Variants in DOCK5 observed in about 807,000 individuals in gnomAD.
DOCK5 encodes the protein dedicator of cytokinesis 5.
In DOCK5, 142 loss-of-function variants were observed where a neutral mutation model predicts 251.8. The ratio of observed to expected loss-of-function variants is 0.56; its 90% CI spans 0.49 to 0.65. DOCK5 has a LOEUF of 0.65. Ranked by LOEUF, DOCK5 falls within the 30% of genes least tolerant of loss-of-function variation. The pLI is 0.00. For synonymous variants in DOCK5, 842 were observed against 835.5 expected (o/e 1.01, Z -0.13); for missense variants, 2,111 against 2,312.3 (o/e 0.91, Z 1.79).
intron 1 of DOCK5, among the ~76,000 whole-genome samples, chr8:25,230,371 C>T (rs767733292): frequency 3.9e-5 from 6 of 152,128 alleles, no homozygotes; most frequent in East Asian, 3.9e-4. Flanking sequence ...AAGCCTCTCA[C>T]GTAATTCCGA....
intron 26 of DOCK5, among the ~76,000 whole-genome samples, chr8:25,349,580 A>G (rs913143168): frequency 6.6e-6 from 1 of 152,176 alleles, no homozygotes; most frequent in Non-Finnish European, 1.5e-5. Context: ...AATATTACTC[A>G]CTCATAAAAA....
At chr8:25,363,486 G>T (rs1800724545) in intron 29 of DOCK5, among the ~76,000 whole-genome samples, 1 of 152,182 alleles carries the variant, frequency 6.6e-6, no homozygotes, top group African/African-American at 2.4e-5. Flanking sequence ...TCTATGACCG[G>T]TCCATGATGT....
chr8:25,408,977 GGGAAT>G, intron 50 of DOCK5, 37 bp downstream of exon 50: 1 of 1,613,494 alleles, frequency 6.2e-7, no homozygotes, highest in Non-Finnish European at 8.5e-7. Flanking sequence ...CTTTTTACTA[GGGAAT>G]GGAGTATGTT....
At chr8:25,259,542 A>G (rs1803514329) in intron 2 of DOCK5, among the ~76,000 whole-genome samples, 1 of 152,148 alleles carries the variant, frequency 6.6e-6, no homozygotes, top group Non-Finnish European at 1.5e-5. Flanking sequence ...TGCAGGCTCA[A>G]CTTCCTGAGC....
rs566439600 is a variant in DOCK5 at position 25,241,599 on chromosome 8, C to T, written c.44-2075C>T. On this transcript the variant is annotated intron_variant, in intron 1 of 51. Coordinates refer to ENST00000276440, the MANE Select transcript of DOCK5 (RefSeq NM_024940.8). ...CATTGTGGAAAACAGTGTGGTGATTCCTCAAGGATCTAGAACCACAAATAC... is the reference window on the plus strand; with the variant it reads ...CATTGTGGAAAACAGTGTGGTGATTTCTCAAGGATCTAGAACCACAAATAC... Among the ~76,000 whole-genome samples, 4 of 152,208 alleles carry T rather than the reference C, an allele frequency of 2.6e-5. No homozygotes were observed. In the South Asian group the frequency reaches 8.3e-4, roughly 32 times the overall value.
At chr8:25,237,852 T>C (rs1443856036) in intron 1 of DOCK5, among the ~76,000 whole-genome samples, 9 of 152,198 alleles carry the variant, frequency 5.9e-5, no homozygotes, top group Admixed American at 5.9e-4. Flanking sequence ...GAGGGCTCTT[T>C]AAAGGCAATC....
At position 25,367,014 on chromosome 8, in the gene DOCK5, A is replaced by G. The variant is rs17053485; in HGVS notation, c.3224+44A>G. Reference sequence around the variant, plus strand: ...TTAAGATCGGGAAGGGGCTTCTTCCATTTGTTTACATTGAGAGCAATATTT... The same window carrying G: ...TTAAGATCGGGAAGGGGCTTCTTCCGTTTGTTTACATTGAGAGCAATATTT... On this transcript the variant is annotated intron_variant, in intron 31 of 51. Transcript: ENST00000276440. 7.2e-3 allele frequency: 10,851 copies of G among 1,501,928 alleles called. 528 individuals carry two copies. In the African/African-American group the frequency reaches 0.12, roughly 17 times the overall value. 93.0% of individuals were successfully genotyped at this position (1,501,928 alleles called of 1,614,324 possible).
At chr8:25,324,727 T>C in intron 17 of DOCK5, among the ~76,000 whole-genome samples, 1 of 152,174 alleles carries the variant, frequency 6.6e-6, no homozygotes, top group Non-Finnish European at 1.5e-5. Flanking sequence ...ATGTGCCATG[T>C]TGGTGTGCTG....
chr8:25,293,200 C>A (rs1804538383), intron 6 of DOCK5, among the ~76,000 whole-genome samples: 1 of 152,112 alleles, frequency 6.6e-6, no homozygotes, highest in African/African-American at 2.4e-5. Flanking sequence ...TTCTAAATTT[C>A]TTCAACTTGT....
rs765779557 is a variant in DOCK5 at position 25,377,404 on chromosome 8, T to C, written c.3916T>C (p.Ser1306Pro). 4 of 1,613,714 alleles carry C rather than the reference T, an allele frequency of 2.5e-6. No individual in the cohort carries two copies. Among genetic ancestry groups the C allele is most frequent in the Non-Finnish European group, 3.4e-6 (4 of 1,179,710 alleles). Residue 1306 changes from serine to proline, a missense_variant, in exon 38 of 52, where the codon TCA becomes CCA. Ser to Pro is a moderately conservative substitution (Grantham distance 74, BLOSUM62 -1). Coordinates refer to ENST00000276440, the MANE Select transcript of DOCK5 (RefSeq NM_024940.8). ...AGAGAAGCTGTATCAAGAAATCATA[T>C]CATATTTCGACAAAGGCAAAGTGAG... is the stretch of plus-strand genomic sequence containing the variant. ...LKEKLYQEII[S>P]YFDKGKMWEK...
At position 25,410,939 on chromosome 8, in the gene DOCK5, ATGTGTGTG is replaced by A. The variant is rs763758410; in HGVS notation, c.5509-228_5509-221del. ...TATGGCAGCGAGAGAGAGAGAGAAA[ATGTGTGTG>A]TGTGTGTGTGTGTGTGTGTGTGTGT... On this transcript the variant is annotated intron_variant, in intron 51 of 51. Transcript: ENST00000276440. Among the ~76,000 whole-genome samples the A allele has an allele frequency of 4.9e-3, 498 of 102,146 alleles. 4 individuals carry two copies. The highest frequency in any genetic ancestry group is 8.3e-3 in the African/African-American group (252 of 30,478). The allele number at this position is 102,146 out of a possible 152,430, so 67.0% of individuals were successfully genotyped here.
chr8:25,356,573 G>A (rs1012369587), intron 27 of DOCK5, among the ~76,000 whole-genome samples: 6 of 152,038 alleles, frequency 3.9e-5, no homozygotes, highest in African/African-American at 1.4e-4. Context: ...AGGCTAAGAT[G>A]TGAGGATCGC....
At chr8:25,187,195 G>C (rs1250931034) in intron 1 of DOCK5, among the ~76,000 whole-genome samples, 1 of 143,870 alleles carries the variant, frequency 7.0e-6, no homozygotes, top group Non-Finnish European at 1.5e-5. Context: ...TGTGAGACCC[G>C]ATCTCAAAAA....
At chr8:25,322,337 G>C (rs1805445925) in intron 16 of DOCK5, among the ~76,000 whole-genome samples, 1 of 152,198 alleles carries the variant, frequency 6.6e-6, no homozygotes, top group Non-Finnish European at 1.5e-5. Context: ...CCCAGTCTGG[G>C]GGATTTATGC....
chr8:25,369,732 G>C, intron 34 of DOCK5, 91 bp downstream of exon 34: 2 of 1,160,040 alleles, frequency 1.7e-6, no homozygotes, highest in Non-Finnish European at 2.5e-6. Context: ...GAGCAATTGA[G>C]TAGTCTCAGA....
At chr8:25,362,778 T>C (rs1174601435) in intron 28 of DOCK5, among the ~76,000 whole-genome samples, 1 of 152,158 alleles carries the variant, frequency 6.6e-6, no homozygotes, top group African/African-American at 2.4e-5. Flanking sequence ...GTCCTTTAGT[T>C]TTTCTCAGCC....
At chr8:25,241,320 C>CA (rs924489524) in intron 1 of DOCK5, among the ~76,000 whole-genome samples, 11 of 151,490 alleles carry the variant, frequency 7.3e-5, no homozygotes, top group African/African-American at 1.9e-4. Context: ...ACTAAAAACA[C>CA]AAAAAAAATT....
chr8:25,243,519 T>C (rs1383487300), intron 1 of DOCK5, among the ~76,000 whole-genome samples, 155 bp from the exon 2 acceptor site: 1 of 151,980 alleles, frequency 6.6e-6, no homozygotes, highest in Admixed American at 6.6e-5. Flanking sequence ...TTAGTAGAGA[T>C]GGGGTTTCAC....
At chr8:25,310,185 T>G (rs1400693084) in intron 12 of DOCK5, among the ~76,000 whole-genome samples, 4 of 152,154 alleles carry the variant, frequency 2.6e-5, no homozygotes, top group Non-Finnish European at 5.9e-5. Flanking sequence ...TACCCCTTTT[T>G]TCCCCCAAAG....
Sources: gnomAD v4.1 joint callset for allele counts (sites outside exome capture counted in the v4.1 genomes callset) on GRCh38, gnomAD v4.1.1 for gene constraint, MANE v1.5 for transcripts, NCBI Gene and HGNC (gene_info 2026-07-23, HGNC 2026-07-21) for gene names.